Variants in P3H2 observed in about 807,000 individuals in gnomAD.
P3H2 encodes leprecan-like 1.
P3H2 carries 80 observed loss-of-function variants against 87.0 expected under a neutral mutation model. That is an observed-to-expected ratio of 0.92 (90% CI 0.77 to 1.11). P3H2 has a LOEUF of 1.11. P3H2 is among the 50% of genes least tolerant of loss of function. The probability of loss-of-function intolerance (pLI) is 0.00; values close to 1 mark genes in which losing one functional copy is unlikely to be tolerated. For missense variants in P3H2, 1,001 were observed against 923.9 expected (o/e 1.08, Z -1.08); for synonymous variants, 367 against 359.3 (o/e 1.02, Z -0.24).
At chr3:190,061,335 C>G (rs1171921428) in intron 1 of P3H2, among the ~76,000 whole-genome samples, 5 of 152,028 alleles carry the variant, frequency 3.3e-5, no homozygotes, top group Non-Finnish European at 7.4e-5. Flanking sequence ...AACACACATT[C>G]CATTGAAAGG....
In P3H2 at chr3:189,994,272, A is replaced by G. The variant is rs746701152; in HGVS notation, c.645T>C (p.Asn215=). Residue 215 remains asparagine (N), a synonymous_variant, in exon 3 of 15, where the codon AAT becomes AAC. Coordinates refer to ENST00000319332, the MANE Select transcript of P3H2 (RefSeq NM_018192.4). ...CAGCCTCATAATGTTTAACTCCTGC[A>G]TTGTAACTCTCCTGTAATGAAACAG... The part of the protein sequence containing the change: ...REAKPHMESY[N]AGVKHYEADD... The G allele has an allele frequency of 6.2e-7, 1 of 1,610,630 alleles. No homozygotes were observed. Among genetic ancestry groups the G allele is most frequent in the Non-Finnish European group, 8.5e-7 (1 of 1,177,284 alleles).
chr3:190,120,172 T>C (rs550646411), intron 1 of P3H2, 80 bp downstream of exon 1: 2 of 1,505,968 alleles, frequency 1.3e-6, no homozygotes, highest in East Asian at 2.4e-5. Context: ...TGAACAGAGA[T>C]GACGGGGGCA....
chr3:190,079,351 A>C (rs1726971462), intron 1 of P3H2, among the ~76,000 whole-genome samples: 1 of 148,782 alleles, frequency 6.7e-6, no homozygotes, highest in Non-Finnish European at 1.5e-5. Context: ...AAAATAAATA[A>C]ATAAATAAAT....
At chr3:190,109,014 C>A (rs990413536) in intron 1 of P3H2, among the ~76,000 whole-genome samples, 2 of 152,150 alleles carry the variant, frequency 1.3e-5, no homozygotes, top group Non-Finnish European at 2.9e-5. Context: ...TATGGCCTTA[C>A]GGCAATACGG....
chr3:190,121,011 C>A, upstream of P3H2: 1 of 471,976 alleles, frequency 2.1e-6, no homozygotes, highest in Admixed American at 4.4e-5. Flanking sequence ...AGCGGCGGGG[C>A]TGCCAGGGGC....
intron 14 of P3H2, among the ~76,000 whole-genome samples, chr3:189,962,496 G>C (rs984287015): frequency 6.6e-6 from 1 of 152,064 alleles, no homozygotes; most frequent in Non-Finnish European, 1.5e-5. Context: ...TTCTATGCCT[G>C]GCTATCGTCT....
intron 1 of P3H2, among the ~76,000 whole-genome samples, chr3:190,111,384 T>C (rs1712063941): frequency 1.3e-5 from 2 of 152,198 alleles, no homozygotes; most frequent in Admixed American, 6.5e-5. Context: ...GTCCTTCTCT[T>C]ACAGTGCTGT....
intron 8 of P3H2, among the ~76,000 whole-genome samples, chr3:189,982,296 T>G (rs1193492658): frequency 6.6e-6 from 1 of 152,156 alleles, no homozygotes; most frequent in African/African-American, 2.4e-5. Flanking sequence ...GCAAATAAAT[T>G]GTGTGCAAAT....
rs1301898655 is a variant in P3H2 at position 189,973,544 on chromosome 3, G to A, written c.1548+365C>T. On this transcript the variant is annotated intron_variant, in intron 10 of 14. Transcript: ENST00000319332. ...TTTTTTTTTTTTTTTTTTTTAAGAC[G>A]GAGTCTCGCTCTCGCCCAGGCCAGG... is the stretch of plus-strand genomic sequence containing the variant. 1.1e-4 allele frequency among the ~76,000 whole-genome samples: 10 copies of A among 95,120 alleles called. No homozygotes were observed. The East Asian group carries it at 1.7e-3, about 16-fold the overall frequency. The allele number at this position is 95,120 out of a possible 152,430, so 62.4% of individuals were successfully genotyped here.
intron 1 of P3H2, among the ~76,000 whole-genome samples, chr3:190,117,440 T>G (rs1334071635): frequency 1.3e-5 from 2 of 152,106 alleles, no homozygotes; most frequent in African/African-American, 4.8e-5. Flanking sequence ...AGCATTCCAG[T>G]CCTCCCTCAC....
intron 7 of P3H2, 49 bp downstream of exon 7, chr3:189,984,501 T>C: frequency 7.5e-7 from 1 of 1,325,282 alleles, no homozygotes. Context: ...GTTATGACAC[T>C]AAGTATTTCT....
chr3:190,032,817 T>C (rs1269493458), intron 1 of P3H2, among the ~76,000 whole-genome samples: 1 of 152,162 alleles, frequency 6.6e-6, no homozygotes, highest in Non-Finnish European at 1.5e-5. Flanking sequence ...AAGACAATTT[T>C]TCCATGCACC....
At chr3:190,089,246 C>T (rs1727331251) in intron 1 of P3H2, among the ~76,000 whole-genome samples, 1 of 152,152 alleles carries the variant, frequency 6.6e-6, no homozygotes, top group Admixed American at 6.5e-5. Flanking sequence ...GGAGGGATAG[C>T]ATTAGGAGAT....
chr3:190,058,217 T>C (rs1156313969), intron 1 of P3H2, among the ~76,000 whole-genome samples: 1 of 152,166 alleles, frequency 6.6e-6, no homozygotes. Context: ...TTAGTCCCTA[T>C]CTGTCAACTG....
intron 1 of P3H2, among the ~76,000 whole-genome samples, chr3:190,016,347 G>A (rs553367959): frequency 2.6e-5 from 4 of 152,048 alleles, no homozygotes; most frequent in South Asian, 2.1e-4. Flanking sequence ...GGGTTCAAGC[G>A]ATTCTCCTGC....
Position 190,020,347 on chromosome 3 carries a change from C to T in P3H2, c.481-24905G>A. ...AAAATGAATTAGAATTTTTCTTTTGCGAAAGAGTGGAAGAGTTGTCTCAAT... is the reference window on the plus strand; with the variant it reads ...AAAATGAATTAGAATTTTTCTTTTGTGAAAGAGTGGAAGAGTTGTCTCAAT... On this transcript the variant is annotated intron_variant, in intron 1 of 14. Coordinates refer to ENST00000319332, the MANE Select transcript of P3H2 (RefSeq NM_018192.4). 1.5e-5 allele frequency among the ~76,000 whole-genome samples: 2 copies of T among 134,658 alleles called. 1 individual carries two copies. Among genetic ancestry groups the T allele is most frequent in the Non-Finnish European group, 3.3e-5 (2 of 60,386 alleles). The allele number at this position is 134,658 out of a possible 152,430, so 88.3% of individuals were successfully genotyped here. A position where few individuals can be genotyped will look rare whatever the true frequency, so the allele number is the denominator to read the frequency against.
rs1402891910 is a variant in P3H2, at chr3:190,021,758, T to A, written c.481-26316A>T. Among the ~76,000 whole-genome samples the A allele has an allele frequency of 3.0e-5, 4 of 134,910 alleles. 2 individuals are homozygous for A. The highest frequency in any genetic ancestry group is 1.0e-4 in the African/African-American group (4 of 39,008). The allele number at this position is 134,910 out of a possible 152,430, so 88.5% of individuals were successfully genotyped here. Reference sequence around the variant, plus strand: ...ATAAATCTTTAATGAGTGCCTTTCATGTGCCAGGCATAATGCTAGGTACTG... The same window carrying A: ...ATAAATCTTTAATGAGTGCCTTTCAAGTGCCAGGCATAATGCTAGGTACTG... On this transcript the variant is annotated intron_variant, in intron 1 of 14. Coordinates refer to ENST00000319332, the MANE Select transcript of P3H2 (RefSeq NM_018192.4).
At chr3:190,042,153 C>A (rs570343068) in intron 1 of P3H2, among the ~76,000 whole-genome samples, 1 of 152,244 alleles carries the variant, frequency 6.6e-6, no homozygotes, top group East Asian at 1.9e-4. Context: ...TAAGACCTAT[C>A]CTGACTAGGA....
At position 189,974,553 on chromosome 3, in the gene P3H2, C is replaced by G. The variant is rs1437066539; in HGVS notation, c.1452+5G>C. 1 of 1,613,484 alleles carries G rather than the reference C, an allele frequency of 6.2e-7. No individual in the cohort carries two copies. Among genetic ancestry groups the G allele is most frequent in the Admixed American group, 1.7e-5 (1 of 60,020 alleles). On this transcript the variant is annotated splice_donor_5th_base_variant and intron_variant, in intron 9 of 14. Transcript: ENST00000319332. ...GTGAGCTCCCCTCCTTCTCCGGATC[C>G]TCACACTGGCCACGCTGTGGAGCTC...
Sources: allele counts gnomAD v4.1 joint callset (sites outside exome capture counted in the v4.1 genomes callset), GRCh38; gene constraint gnomAD v4.1.1; transcripts MANE v1.5; gene names NCBI Gene and HGNC (gene_info 2026-07-23, HGNC 2026-07-21).